The following SH3RF3 variants were observed in gnomAD, a reference collection of about 807,000 sequenced individuals.
The protein encoded by SH3RF3 is E3 ubiquitin-protein ligase SH3RF3.
A neutral mutation model predicts 66.3 loss-of-function variants in SH3RF3; 29 were observed. That is an observed-to-expected ratio of 0.44 (90% CI 0.33 to 0.60). The LOEUF (loss-of-function observed/expected upper bound fraction) is 0.60, where lower values mean the gene tolerates loss of function less well. Ranked by LOEUF, SH3RF3 falls within the 20% of genes least tolerant of loss-of-function variation. SH3RF3 has a pLI of 0.04. For missense variants in SH3RF3, 1,194 were observed against 1,190.9 expected (o/e 1.00, Z -0.04); for synonymous variants, 583 against 532.0 (o/e 1.10, Z -1.32).
chr2:109,187,663 A>G (rs1306584127), intron 1 of SH3RF3, among the ~76,000 whole-genome samples: 5 of 152,020 alleles, frequency 3.3e-5, no homozygotes, highest in Non-Finnish European at 2.9e-5. Flanking sequence ...ATGCATGTAC[A>G]CTCTGATGTT....
intron 1 of SH3RF3, among the ~76,000 whole-genome samples, chr2:109,216,762 T>C (rs1679109519): frequency 1.3e-5 from 2 of 152,240 alleles, no homozygotes; most frequent in South Asian, 4.1e-4. Flanking sequence ...CATACAAATA[T>C]ATTTTTTTAA....
At chr2:109,260,430 G>A (rs191647585) in intron 1 of SH3RF3, among the ~76,000 whole-genome samples, 1 of 152,320 alleles carries the variant, frequency 6.6e-6, no homozygotes, top group Non-Finnish European at 1.5e-5. Context: ...GATGGGTTCA[G>A]GGCCAGAGAA....
chr2:109,357,372 G>A lies in SH3RF3; in HGVS notation c.849+9423G>A, dbSNP rs551475688. Among the ~76,000 whole-genome samples, 148 of 152,178 alleles carry A rather than the reference G, an allele frequency of 9.7e-4. 1 individual carries two copies. Among genetic ancestry groups the A allele is most frequent in the Non-Finnish European group, 1.3e-3 (89 of 68,012 alleles). On this transcript the variant is annotated intron_variant, in intron 2 of 9. Coordinates refer to ENST00000309415, the MANE Select transcript of SH3RF3 (RefSeq NM_001099289.3). ...AATTTTGTGTATTTTTAGTAGAGACGAGGTTTCACCGTGTTAGCCAGGATG... is the reference window on the plus strand; with the variant it reads ...AATTTTGTGTATTTTTAGTAGAGACAAGGTTTCACCGTGTTAGCCAGGATG...
intron 4 of SH3RF3, among the ~76,000 whole-genome samples, chr2:109,417,560 AC>A (rs966536830): frequency 6.6e-6 from 1 of 151,964 alleles, no homozygotes; most frequent in African/African-American, 2.4e-5. Flanking sequence ...CAGGCACAGG[AC>A]CCCGACAGCC....
intron 1 of SH3RF3, among the ~76,000 whole-genome samples, chr2:109,163,590 G>A (rs924340946): frequency 1.3e-5 from 2 of 151,012 alleles, no homozygotes; most frequent in African/African-American, 4.9e-5. Flanking sequence ...TAGTAGAGAC[G>A]GGGTTTCACC....
At chr2:109,197,525 A>G (rs917942894) in intron 1 of SH3RF3, among the ~76,000 whole-genome samples, 5 of 152,240 alleles carry the variant, frequency 3.3e-5, no homozygotes, top group African/African-American at 1.2e-4. Flanking sequence ...TCAGATGCCC[A>G]TATTCCCACA....
intron 1 of SH3RF3, among the ~76,000 whole-genome samples, chr2:109,336,276 T>G (rs891198835): frequency 6.6e-6 from 1 of 152,232 alleles, no homozygotes; most frequent in African/African-American, 2.4e-5. Context: ...TTCTCTAGAC[T>G]AGGTAAAATG....
intron 1 of SH3RF3, among the ~76,000 whole-genome samples, chr2:109,140,270 C>T (rs1324082880): frequency 1.3e-5 from 2 of 152,232 alleles, no homozygotes; most frequent in Non-Finnish European, 2.9e-5. Context: ...AGATCAGCTG[C>T]ATCCAGCCAT....
intron 1 of SH3RF3, among the ~76,000 whole-genome samples, chr2:109,317,412 G>A (rs369615215): frequency 8.6e-5 from 13 of 152,026 alleles, no homozygotes; most frequent in Non-Finnish European, 1.5e-4. Flanking sequence ...CCCTGTTAGC[G>A]CTCAGAAGGG....
rs550241465 is a variant in SH3RF3, at chr2:109,460,653, A to G, written c.2148+11164A>G. ...TTGGTGAGCATTTAAATGGCACACA[A>G]ATTTCACCACATGTTTTCCCATTGA... is the stretch of plus-strand genomic sequence containing the variant. On this transcript the variant is annotated intron_variant, in intron 8 of 9. Transcript: ENST00000309415. Among the ~76,000 whole-genome samples, 9 of 152,290 alleles carry G rather than the reference A, an allele frequency of 5.9e-5. No individual in the cohort carries two copies. In the South Asian group the frequency reaches 6.2e-4, roughly 11 times the overall value.
intron 1 of SH3RF3, among the ~76,000 whole-genome samples, chr2:109,180,830 C>G (rs1285831869): frequency 1.3e-5 from 2 of 152,188 alleles, no homozygotes; most frequent in African/African-American, 4.8e-5. Context: ...CTAATATACT[C>G]AGTCAGCTAA....
At chr2:109,236,784 T>C (rs10171093) in intron 1 of SH3RF3, among the ~76,000 whole-genome samples, 112,512 of 152,134 alleles carry the variant, frequency 0.74, 42,182 homozygotes, top group East Asian at 0.89. Context: ...GGGTGAGCCT[T>C]CTTAGCCAGG....
At chr2:109,426,774 G>A (rs1324118462) in intron 5 of SH3RF3, among the ~76,000 whole-genome samples, 1 of 152,128 alleles carries the variant, frequency 6.6e-6, no homozygotes, top group Non-Finnish European at 1.5e-5. Context: ...AATCTATCAT[G>A]AAAGAAAGAG....
intron 7 of SH3RF3, among the ~76,000 whole-genome samples, chr2:109,440,248 C>A (rs973181330): frequency 3.3e-5 from 5 of 152,166 alleles, no homozygotes; most frequent in African/African-American, 1.2e-4. Context: ...TAGAGCTCAG[C>A]ATGCAGCAGT....
chr2:109,497,893 C>T (rs1306416553), intron 9 of SH3RF3, among the ~76,000 whole-genome samples: 2 of 152,222 alleles, frequency 1.3e-5, no homozygotes, highest in African/African-American at 2.4e-5. Flanking sequence ...AATCATCTCG[C>T]CCTTTGCCTT....
intron 3 of SH3RF3, among the ~76,000 whole-genome samples, chr2:109,383,457 C>T (rs58907181): frequency 0.071 from 10,754 of 152,246 alleles, 958 homozygotes; most frequent in African/African-American, 0.21. Flanking sequence ...ACACTCTGGG[C>T]CAGTTGGAAT....
chr2:109,193,996 T>G (rs1678433811), intron 1 of SH3RF3, among the ~76,000 whole-genome samples: 1 of 152,228 alleles, frequency 6.6e-6, no homozygotes, highest in Non-Finnish European at 1.5e-5. Context: ...AGTGACTGAC[T>G]GCTGAAAATA....
chr2:109,471,589 T>C (rs1454750461), intron 8 of SH3RF3, among the ~76,000 whole-genome samples: 5 of 152,184 alleles, frequency 3.3e-5, no homozygotes, highest in South Asian at 2.1e-4. Flanking sequence ...AAATTCATCA[T>C]TGGAACAGCT....
chr2:109,266,303 T>TTG (rs940147319), intron 1 of SH3RF3, among the ~76,000 whole-genome samples: 1 of 151,420 alleles, frequency 6.6e-6, no homozygotes, highest in Non-Finnish European at 1.5e-5. Context: ...TGTGTATGTG[T>TTG]TGTGTGTGTG....
Sources: gnomAD v4.1 joint callset for allele counts (sites outside exome capture counted in the v4.1 genomes callset) on GRCh38, gnomAD v4.1.1 for gene constraint, MANE v1.5 for transcripts, NCBI Gene and HGNC (gene_info 2026-07-23, HGNC 2026-07-21) for gene names.